Variants in TMEM74 observed in about 807,000 individuals in gnomAD.
TMEM74 encodes the protein transmembrane protein 74.
In TMEM74, 13 loss-of-function variants were observed where a neutral mutation model predicts 18.1. That is an observed-to-expected ratio of 0.72 (90% CI 0.47 to 1.14). TMEM74 has a LOEUF of 1.14. TMEM74 is among the 50% of genes most tolerant of loss of function. The pLI is 0.00. For missense variants in TMEM74, 372 were observed against 375.9 expected (o/e 0.99, Z 0.09); for synonymous variants, 159 against 146.6 (o/e 1.08, Z -0.61).
At chr8:108,717,963 T>G (rs1289318637) in intron 1 of TMEM74, among the ~76,000 whole-genome samples, 2 of 69,910 alleles carry the variant, frequency 2.9e-5, no homozygotes, top group Non-Finnish European at 4.7e-5. Context: ...TTTTTTTTTT[T>G]TTTTTTTTTT....
intron 2 of TMEM74, among the ~76,000 whole-genome samples, chr8:108,624,741 T>C (rs1202369712): frequency 6.6e-6 from 1 of 152,042 alleles, no homozygotes; most frequent in Non-Finnish European, 1.5e-5. Flanking sequence ...TTTCCTTTTC[T>C]GTGGAGTTAA....
At chr8:108,675,458 GA>G (rs1437872283) in intron 1 of TMEM74, among the ~76,000 whole-genome samples, 1 of 152,118 alleles carries the variant, frequency 6.6e-6, no homozygotes, top group African/African-American at 2.4e-5. Flanking sequence ...AATGTAACAG[GA>G]AACCCTCTTA....
intron 1 of TMEM74, among the ~76,000 whole-genome samples, chr8:108,703,680 A>G (rs1296547610): frequency 1.3e-5 from 2 of 152,174 alleles, no homozygotes; most frequent in African/African-American, 4.8e-5. Flanking sequence ...CTTCTTGTCA[A>G]TCATTCATTT....
At position 108,609,826 on chromosome 8, in the gene TMEM74, T is replaced by C. The variant is rs1812316480; in HGVS notation, n.265-1000A>G. 2.0e-5 allele frequency among the ~76,000 whole-genome samples: 3 copies of C among 152,186 alleles called. No individual in the cohort carries two copies. The South Asian group carries it at 6.2e-4, about 32-fold the overall frequency. On this transcript the variant is annotated intron_variant and non_coding_transcript_variant, in intron 2 of 3. Transcript: ENST00000518838. ...TTGTCATTCTGCTCATCCCTTCCATTAAAATCCTTCAAGCAATTGCTTAAG... is the reference window on the plus strand; with the variant it reads ...TTGTCATTCTGCTCATCCCTTCCATCAAAATCCTTCAAGCAATTGCTTAAG...
intron 2 of TMEM74, among the ~76,000 whole-genome samples, chr8:108,635,704 T>A (rs1432328344): frequency 1.3e-5 from 2 of 152,048 alleles, no homozygotes; most frequent in Admixed American, 6.6e-5. Flanking sequence ...TCAGCTTACG[T>A]CCCTTTTCAT....
chr8:108,654,057 T>TA (rs746268667), intron 2 of TMEM74, among the ~76,000 whole-genome samples: 1 of 152,196 alleles, frequency 6.6e-6, no homozygotes, highest in African/African-American at 2.4e-5. Context: ...TGGTTGAAGG[T>TA]AGAGGGGTTT....
At chr8:108,717,907 C>CCATT (rs1813542228) in intron 1 of TMEM74, among the ~76,000 whole-genome samples, 1 of 144,480 alleles carries the variant, frequency 6.9e-6, no homozygotes, top group Non-Finnish European at 1.5e-5. Context: ...AGATGGGGAA[C>CCATT]CATTGGCGGT....
chr8:108,774,007 G>A (rs554204833), downstream of TMEM74, among the ~76,000 whole-genome samples: 40 of 152,228 alleles, frequency 2.6e-4, no homozygotes, highest in South Asian at 6.0e-3. Flanking sequence ...ACTTATACAC[G>A]AAATGTGATC....
intron 2 of TMEM74, among the ~76,000 whole-genome samples, chr8:108,614,341 A>G (rs902117595): frequency 6.6e-6 from 1 of 152,076 alleles, no homozygotes; most frequent in East Asian, 1.9e-4. Flanking sequence ...TAGTTCCAAT[A>G]CCCCTGAGTG....
rs542440912 is a variant in TMEM74 at position 108,689,477 on chromosome 8, A to T, written n.120-34040T>A. On this transcript the variant is annotated intron_variant and non_coding_transcript_variant, in intron 1 of 3. Transcript: ENST00000518838. The stretch of plus-strand genomic sequence containing the variant: ...TGATATTTTACAAAGCAAAACAGAT[A>T]TAACTCAGTAACTGTGCATCTAATT... Among the ~76,000 whole-genome samples, 215 of 152,354 alleles carry T rather than the reference A, an allele frequency of 1.4e-3. 1 individual carries two copies. The highest frequency in any genetic ancestry group is 6.8e-3 in the Middle Eastern group (2 of 294).
chr8:108,717,376 T>C (rs1484727012), intron 1 of TMEM74, among the ~76,000 whole-genome samples: 2 of 152,166 alleles, frequency 1.3e-5, no homozygotes, highest in East Asian at 3.8e-4. Flanking sequence ...AATCTTAATA[T>C]ATTTATTCAG....
intron 1 of TMEM74, among the ~76,000 whole-genome samples, chr8:108,765,035 A>G (rs918053669): frequency 2.0e-5 from 3 of 152,090 alleles, no homozygotes; most frequent in Admixed American, 6.6e-5. Flanking sequence ...TTTTCAGCCT[A>G]TCAAGTCAAT....
chr8:108,769,857 T>G (rs923340820), intron 1 of TMEM74, among the ~76,000 whole-genome samples: 3 of 152,098 alleles, frequency 2.0e-5, no homozygotes, highest in Admixed American at 6.6e-5. Context: ...TTTCTGAGTT[T>G]TATGAGTTTT....
chr8:108,657,499 A>C (rs1247429558), intron 1 of TMEM74, among the ~76,000 whole-genome samples: 1 of 152,058 alleles, frequency 6.6e-6, no homozygotes, highest in Non-Finnish European at 1.5e-5. Context: ...AATGGGAAGA[A>C]TTAGTTGGAA....
At chr8:108,745,791 A>C (rs1038455866) in intron 1 of TMEM74, among the ~76,000 whole-genome samples, 5 of 152,118 alleles carry the variant, frequency 3.3e-5, no homozygotes, top group African/African-American at 1.2e-4. Flanking sequence ...CCAGCGCCGC[A>C]CCCTGGGCCT....
intron 1 of TMEM74, among the ~76,000 whole-genome samples, chr8:108,700,130 GGTGTGTGTGT>G (rs3049748): frequency 2.9e-4 from 42 of 143,164 alleles, no homozygotes; most frequent in African/African-American, 1.0e-3. Flanking sequence ...GGCCATAAAT[GGTGTGTGTGT>G]GTGTGTGTGT....
intron 1 of TMEM74, among the ~76,000 whole-genome samples, chr8:108,658,629 T>G (rs888747524): frequency 6.6e-6 from 1 of 152,306 alleles, no homozygotes; most frequent in Admixed American, 6.5e-5. Flanking sequence ...TAGTCCTGAA[T>G]GTGAGAAAGG....
At chr8:108,624,560 C>T (rs1481914133) in intron 2 of TMEM74, among the ~76,000 whole-genome samples, 1 of 152,044 alleles carries the variant, frequency 6.6e-6, no homozygotes, top group Non-Finnish European at 1.5e-5. Flanking sequence ...AAATATATTC[C>T]TAACTATACA....
At chr8:108,753,993 A>T (rs1813930571) in intron 1 of TMEM74, among the ~76,000 whole-genome samples, 1 of 152,070 alleles carries the variant, frequency 6.6e-6, no homozygotes, top group South Asian at 2.1e-4. Flanking sequence ...TGCTAGGCCC[A>T]ACCTTAGAGT....
Sources: gnomAD v4.1 joint callset for allele counts (sites outside exome capture counted in the v4.1 genomes callset) on GRCh38, gnomAD v4.1.1 for gene constraint, MANE v1.5 for transcripts, NCBI Gene and HGNC (gene_info 2026-07-23, HGNC 2026-07-21) for gene names.